The following ITGA1 variants were observed in gnomAD, a reference collection of about 807,000 sequenced individuals.
ITGA1 encodes integrin subunit alpha 1.
Under a neutral mutation model 145.9 loss-of-function variants are expected in ITGA1, and 85 were observed. That is an observed-to-expected ratio of 0.58 (90% CI 0.49 to 0.70). The LOEUF (loss-of-function observed/expected upper bound fraction) is 0.70. Among genes scored for constraint, ITGA1 ranks in the 30% least tolerant of loss-of-function variants. The probability of loss-of-function intolerance (pLI) is 0.00; values close to 1 mark genes in which losing one functional copy is unlikely to be tolerated. For synonymous variants in ITGA1, 520 were observed against 495.3 expected, an observed-to-expected ratio of 1.05 and a Z score of -0.66; for missense variants, 1,351 against 1,418.7, an observed-to-expected ratio of 0.95 and a Z score of 0.77.
At chr5:52,805,553 C>T (rs549570280) in intron 1 of ITGA1, among the ~76,000 whole-genome samples, 17 of 152,096 alleles carry the variant, frequency 1.1e-4, no homozygotes, top group African/African-American at 3.9e-4. Context: ...AAAGGTAAAT[C>T]TCAGATTTCT....
intron 20 of ITGA1, among the ~76,000 whole-genome samples, 183 bp downstream of exon 20, chr5:52,927,847 G>A (rs1045350793): frequency 2.6e-5 from 4 of 152,176 alleles, no homozygotes; most frequent in Non-Finnish European, 5.9e-5. Context: ...AAATTCATAT[G>A]TTAATACTTA....
At chr5:52,911,454 A>ATG (rs1474359949) in intron 14 of ITGA1, among the ~76,000 whole-genome samples, 4 of 133,154 alleles carry the variant, frequency 3.0e-5, no homozygotes, top group Admixed American at 7.8e-5. Context: ...GATACACTAT[A>ATG]TATAGTGTAT....
intron 1 of ITGA1, chr5:52,801,526 T>C: frequency 1.2e-6 from 2 of 1,614,212 alleles, no homozygotes; most frequent in East Asian, 2.2e-5. Flanking sequence ...GGATGACTTC[T>C]ATAAAATGTT....
intron 1 of ITGA1, among the ~76,000 whole-genome samples, chr5:52,838,912 C>T (rs977238830): frequency 3.9e-5 from 6 of 152,098 alleles, no homozygotes; most frequent in East Asian, 1.9e-4. Flanking sequence ...GTCTGGGCAA[C>T]GTGACGAGCA....
chr5:52,848,428 T>C (rs1295543173), intron 1 of ITGA1, among the ~76,000 whole-genome samples: 2 of 152,246 alleles, frequency 1.3e-5, no homozygotes, highest in African/African-American at 2.4e-5. Context: ...TAGTCATATA[T>C]GAATCTGAGT....
intron 28 of ITGA1, among the ~76,000 whole-genome samples, chr5:52,949,555 G>C (rs1471360453): frequency 3.3e-5 from 5 of 152,100 alleles, no homozygotes; most frequent in Admixed American, 3.3e-4. Flanking sequence ...TGGATTCAAG[G>C]AATGATCTAC....
intron 1 of ITGA1, among the ~76,000 whole-genome samples, chr5:52,804,444 A>C (rs1469291536): frequency 6.6e-6 from 1 of 152,176 alleles, no homozygotes; most frequent in African/African-American, 2.4e-5. Context: ...TTATGACAAG[A>C]TTGTTGATCT....
intron 26 of ITGA1, among the ~76,000 whole-genome samples, chr5:52,943,823 C>T (rs903188812): frequency 1.3e-5 from 2 of 152,172 alleles, no homozygotes; most frequent in African/African-American, 2.4e-5. Flanking sequence ...GCTTGGTACT[C>T]CTGAGACGGA....
intron 1 of ITGA1, among the ~76,000 whole-genome samples, chr5:52,810,431 T>C (rs940468493): frequency 1.3e-4 from 20 of 152,250 alleles, no homozygotes; most frequent in African/African-American, 4.8e-4. Flanking sequence ...ACTTCTCTCT[T>C]AAGTTGTTCA....
chr5:52,839,341 AT>A (rs1749215777), intron 1 of ITGA1, among the ~76,000 whole-genome samples: 1 of 152,108 alleles, frequency 6.6e-6, no homozygotes, highest in Non-Finnish European at 1.5e-5. Flanking sequence ...ATTCATTTCT[AT>A]TTTATTTTTA....
chr5:52,902,637 G>A (rs1442602041), intron 11 of ITGA1: 1 of 151,716 alleles, frequency 6.6e-6, no homozygotes, highest in African/African-American at 2.4e-5. Context: ...GCAGTGGCAT[G>A]ATCTCTGCTC....
rs1378767201 is a variant in ITGA1, at chr5:52,788,352, C to T, written c.-2C>T. 1 of 1,508,002 alleles carries T rather than the reference C, an allele frequency of 6.6e-7. No homozygotes were observed. The highest frequency in any genetic ancestry group is 8.8e-7 in the Non-Finnish European group (1 of 1,133,080). The allele number at this position is 1,508,002 out of a possible 1,614,324, so 93.4% of individuals were successfully genotyped here. A position where few individuals can be genotyped will look rare whatever the true frequency, so the allele number is the denominator to read the frequency against. ...CCCCCTGGCGCTGAGGCTGCTCCGG[C>T]CATGGCCCCTCGGCCCCGCGCCCGC... On this transcript the variant is annotated 5_prime_UTR_variant, in exon 1 of 29. Coordinates refer to ENST00000282588, the MANE Select transcript of ITGA1 (RefSeq NM_181501.2).
intron 18 of ITGA1, among the ~76,000 whole-genome samples, chr5:52,924,717 G>A (rs892653534): frequency 1.3e-5 from 2 of 152,174 alleles, no homozygotes; most frequent in African/African-American, 2.4e-5. Flanking sequence ...ATGCTTGGGT[G>A]TGAGGTGGTG....
chr5:52,952,204 G>GA (rs11420959), intron 28 of ITGA1, among the ~76,000 whole-genome samples: 76,943 of 147,510 alleles, frequency 0.52, 20,554 homozygotes, highest in Middle Eastern at 0.6. Context: ...AAAAAGAAAA[G>GA]AAAAAAAAAG....
intron 16 of ITGA1, 61 bp downstream of exon 16, chr5:52,918,959 G>C (rs1384574194): frequency 3.7e-6 from 5 of 1,356,540 alleles, no homozygotes; most frequent in Non-Finnish European, 5.0e-6. Flanking sequence ...GCTCTAGCAT[G>C]ATGAAGTCCA....
chr5:52,899,739 G>GT (rs1750285074), intron 11 of ITGA1, among the ~76,000 whole-genome samples: 1 of 152,174 alleles, frequency 6.6e-6, no homozygotes, highest in African/African-American at 2.4e-5. Context: ...TTAGGTATTT[G>GT]GAGGATTGTG....
chr5:52,819,295 C>T lies in ITGA1; in HGVS notation c.62-30070C>T, dbSNP rs544571151. ...AAAAGTGTTCCTATTTCTCCACATC[C>T]TCTCCAGCACCTGTTGTTTCCTGAC... is the stretch of plus-strand genomic sequence containing the variant. On this transcript the variant is annotated intron_variant, in intron 1 of 28. Coordinates refer to ENST00000282588, the MANE Select transcript of ITGA1 (RefSeq NM_181501.2). Among the ~76,000 whole-genome samples, 23 of 152,320 alleles carry T rather than the reference C, an allele frequency of 1.5e-4. No individual in the cohort carries two copies. In the South Asian group the frequency reaches 3.5e-3, roughly 23 times the overall value.
intron 23 of ITGA1, among the ~76,000 whole-genome samples, chr5:52,934,626 G>A (rs182080664): frequency 2.5e-4 from 38 of 150,098 alleles, no homozygotes; most frequent in Middle Eastern, 3.4e-3. Context: ...AAACAATCAC[G>A]GAATTTTATT....
chr5:52,945,104 A>C lies in ITGA1; in HGVS notation c.3378+69A>C, dbSNP rs574844464. On this transcript the variant is annotated intron_variant, in intron 27 of 28. Coordinates refer to ENST00000282588, the MANE Select transcript of ITGA1 (RefSeq NM_181501.2). ...GAATTTTGTGACATAATGTTTTATAATTGTTGATAGTCCCTTAAGCAGTGA... is the reference window on the plus strand; with the variant it reads ...GAATTTTGTGACATAATGTTTTATACTTGTTGATAGTCCCTTAAGCAGTGA... The C allele has an allele frequency of 3.3e-6, 4 of 1,197,940 alleles. No homozygotes were observed. In the South Asian group the frequency reaches 4.9e-5, roughly 15 times the overall value. The allele number at this position is 1,197,940 out of a possible 1,614,324, so 74.2% of individuals were successfully genotyped here. A position where few individuals can be genotyped will look rare whatever the true frequency, so the allele number is the denominator to read the frequency against.
Sources: allele counts gnomAD v4.1 joint callset (sites outside exome capture counted in the v4.1 genomes callset), GRCh38; gene constraint gnomAD v4.1.1; transcripts MANE v1.5; gene names NCBI Gene and HGNC (gene_info 2026-07-23, HGNC 2026-07-21).